Variants in THSD7A observed in about 807,000 individuals in gnomAD.
THSD7A encodes the protein thrombospondin type 1 domain containing 7A, also known as thrombospondin type-1 domain-containing protein 7A.
A neutral mutation model predicts 231.3 loss-of-function variants in THSD7A; 96 were observed. That is an observed-to-expected ratio of 0.41 (90% CI 0.35 to 0.49). The LOEUF (loss-of-function observed/expected upper bound fraction) is 0.49, where lower values mean the gene tolerates loss of function less well. Among genes scored for constraint, THSD7A ranks in the 20% least tolerant of loss-of-function variants. The pLI is 0.05. For missense variants in THSD7A, 2,290 were observed against 2,070.2 expected (o/e 1.11, Z -2.06); for synonymous variants, 940 against 743.3 (o/e 1.26, Z -4.30).
chr7:11,449,702 C>G (rs867415742), intron 11 of THSD7A, among the ~76,000 whole-genome samples: 1 of 151,976 alleles, frequency 6.6e-6, no homozygotes, highest in Admixed American at 6.6e-5. Context: ...AGGCTATAAA[C>G]GAGCTGCTAT....
intron 1 of THSD7A, among the ~76,000 whole-genome samples, chr7:11,780,592 TC>T (rs748712012): frequency 1.1e-4 from 17 of 152,156 alleles, no homozygotes; most frequent in African/African-American, 3.9e-4. Context: ...AGTCAATCCT[TC>T]AGATGACTAT....
chr7:11,654,910 G>T (rs1055035773), intron 1 of THSD7A, among the ~76,000 whole-genome samples: 7 of 152,014 alleles, frequency 4.6e-5, no homozygotes, highest in African/African-American at 1.4e-4. Context: ...GCAAATGTTC[G>T]ATAAGGAATA....
At chr7:11,702,003 A>C (rs1262156636) in intron 1 of THSD7A, among the ~76,000 whole-genome samples, 1 of 151,126 alleles carries the variant, frequency 6.6e-6, no homozygotes, top group Non-Finnish European at 1.5e-5. Flanking sequence ...CTCAACTCTG[A>C]CCACAGTCCC....
chr7:11,393,261 C>A (rs1554299434), intron 23 of THSD7A, among the ~76,000 whole-genome samples: 1 of 151,736 alleles, frequency 6.6e-6, no homozygotes, highest in Non-Finnish European at 1.5e-5. Context: ...CTGGAGTGGA[C>A]CTCCAGCAGA....
intron 17 of THSD7A, among the ~76,000 whole-genome samples, chr7:11,416,912 T>G (rs1321913269): frequency 1.1e-4 from 17 of 152,334 alleles, no homozygotes; most frequent in Admixed American, 8.5e-4. Flanking sequence ...AGTCAGTGTG[T>G]AAAGAGAGAT....
chr7:11,817,260 G>A (rs571388212), intron 1 of THSD7A, among the ~76,000 whole-genome samples: 15 of 152,170 alleles, frequency 9.9e-5, no homozygotes, highest in Non-Finnish European at 1.9e-4. Context: ...TCACCGAGCA[G>A]GAAAGTCTTG....
chr7:11,627,712 A>G (rs368602216), intron 2 of THSD7A, among the ~76,000 whole-genome samples: 1 of 152,264 alleles, frequency 6.6e-6, no homozygotes. Flanking sequence ...TTAACAAAAT[A>G]GAAGTCAAGT....
At chr7:11,823,139 A>T (rs1030816291) in intron 1 of THSD7A, among the ~76,000 whole-genome samples, 4 of 152,012 alleles carry the variant, frequency 2.6e-5, no homozygotes, top group Non-Finnish European at 5.9e-5. Context: ...ATGTAATGAG[A>T]GATAGGGGTC....
Position 11,374,935 on chromosome 7 carries a change from G to T in THSD7A, c.*859C>A. The stretch of plus-strand genomic sequence containing the variant: ...CAGATGTCTTCATCCCACATGAAAA[G>T]AGGCAGTTTCTATGGCAATACTGGT... On this transcript the variant is annotated 3_prime_UTR_variant, in exon 28 of 28. Transcript: ENST00000423059. 6.6e-6 allele frequency: 1 copy of T among 152,066 alleles called. No homozygotes were observed. The highest frequency in any genetic ancestry group is 1.9e-4 in the East Asian group (1 of 5,182). The allele number at this position is 152,066 out of a possible 1,614,324, so 9.4% of individuals were successfully genotyped here.
At chr7:11,807,510 C>A (rs1467376423) in intron 1 of THSD7A, among the ~76,000 whole-genome samples, 1 of 152,008 alleles carries the variant, frequency 6.6e-6, no homozygotes, top group Non-Finnish European at 1.5e-5. Context: ...AATTATAAAA[C>A]AAATTATTGA....
intron 1 of THSD7A, among the ~76,000 whole-genome samples, chr7:11,802,912 T>C (rs139855933): frequency 2.0e-5 from 3 of 152,266 alleles, no homozygotes; most frequent in Non-Finnish European, 4.4e-5. Flanking sequence ...ATTTCTTCCT[T>C]TAGAGATCTT....
In THSD7A at chr7:11,457,423, C is replaced by T. The variant is rs138407229; in HGVS notation, c.2605+3239G>A. ...TTTATTTTTATCTCTCTTCTATTGTCTGCTACTAAGTCCCCAAAATATTTC... is the reference window on the plus strand; with the variant it reads ...TTTATTTTTATCTCTCTTCTATTGTTTGCTACTAAGTCCCCAAAATATTTC... On this transcript the variant is annotated intron_variant, in intron 11 of 27. Transcript: ENST00000423059. Among the ~76,000 whole-genome samples, 522 of 152,148 alleles carry T rather than the reference C, an allele frequency of 3.4e-3. 2 individuals carry two copies. Among genetic ancestry groups the T allele is most frequent in the East Asian group, 0.02 (105 of 5,174 alleles).
chr7:11,412,774 T>C lies in THSD7A; in HGVS notation c.3564A>G (p.Gln1188=). ...VLPCNQSSFR[Q]RSADPIRQPA... ...GTTGTCTGATGGGATCAGCTGACCT[T>C]TGCCGGAAACTGCTTTGATTGCAAG... Residue 1188 remains glutamine, a synonymous_variant, in exon 18 of 28, where the codon CAA becomes CAG. Transcript: ENST00000423059. 6.2e-7 allele frequency: 1 copy of C among 1,613,110 alleles called. No individual in the cohort carries two copies. The highest frequency in any genetic ancestry group is 8.5e-7 in the Non-Finnish European group (1 of 1,179,414).
chr7:11,694,023 G>GAA (rs1562481989), intron 1 of THSD7A, among the ~76,000 whole-genome samples: 1 of 151,452 alleles, frequency 6.6e-6, no homozygotes. Flanking sequence ...ACGGTAGTCA[G>GAA]AAAAGTTTTC....
At chr7:11,651,981 T>C (rs1475260179) in intron 1 of THSD7A, among the ~76,000 whole-genome samples, 1 of 151,896 alleles carries the variant, frequency 6.6e-6, no homozygotes, top group Non-Finnish European at 1.5e-5. Flanking sequence ...TAAAATGAAG[T>C]GAAGTTAATG....
At chr7:11,386,475 G>T (rs773340440) in intron 23 of THSD7A, among the ~76,000 whole-genome samples, 43 of 152,192 alleles carry the variant, frequency 2.8e-4, no homozygotes, top group Non-Finnish European at 5.4e-4. Context: ...CAGTGATGAT[G>T]AGCTTTTCTT....
chr7:11,618,061 G>C (rs543055341), intron 2 of THSD7A, among the ~76,000 whole-genome samples: 287 of 152,228 alleles, frequency 1.9e-3, no homozygotes, highest in Non-Finnish European at 2.5e-3. Context: ...AAATAAATTT[G>C]ACCCAGTAAT....
chr7:11,759,508 A>G (rs1459384011), intron 1 of THSD7A, among the ~76,000 whole-genome samples: 1 of 152,094 alleles, frequency 6.6e-6, no homozygotes, highest in African/African-American at 2.4e-5. Flanking sequence ...ATATCTAATC[A>G]GTGTTCTGTG....
rs547958475 is a variant in THSD7A at position 11,746,069 on chromosome 7, AC to A, written c.190+85687del. On this transcript the variant is annotated intron_variant, in intron 1 of 27. Coordinates refer to ENST00000423059, the MANE Select transcript of THSD7A (RefSeq NM_015204.3). Reference sequence around the variant, plus strand: ...CATTTTTATGATATTGATTCTTCCTACCCATGAGCATGGAATGTTCTTCCAT... The same window carrying A: ...CATTTTTATGATATTGATTCTTCCTACCATGAGCATGGAATGTTCTTCCAT... Among the ~76,000 whole-genome samples the A allele has an allele frequency of 1.5e-3, 235 of 152,130 alleles. 1 individual carries two copies. Among genetic ancestry groups the A allele is most frequent in the African/African-American group, 5.2e-3 (218 of 41,528 alleles).
Sources: allele counts gnomAD v4.1 joint callset (sites outside exome capture counted in the v4.1 genomes callset), GRCh38; gene constraint gnomAD v4.1.1; transcripts MANE v1.5; gene names NCBI Gene and HGNC (gene_info 2026-07-23, HGNC 2026-07-21).